DERA: variants seen among roughly 807,000 people sequenced by gnomAD.
DERA encodes the protein deoxyribose-phosphate aldolase, also known as 2-deoxy-D-ribose 5-phosphate aldolase.
DERA carries 15 observed loss-of-function variants against 41.1 expected under a neutral mutation model. That is an observed-to-expected ratio of 0.37 (90% CI 0.24 to 0.56). DERA has a LOEUF of 0.56. Ranked by LOEUF, DERA falls within the 20% of genes least tolerant of loss-of-function variation. DERA has a pLI of 0.81. For missense variants in DERA, 396 were observed against 403.4 expected (o/e 0.98, Z 0.16); for synonymous variants, 139 against 137.4 (o/e 1.01, Z -0.08).
chr12:15,975,035 G>A (rs71459199), intron 5 of DERA, among the ~76,000 whole-genome samples: 14,417 of 152,206 alleles, frequency 0.095, 968 homozygotes, highest in Non-Finnish European at 0.15. Flanking sequence ...TTTGGCCATT[G>A]GGAGTGTAAC....
intron 1 of DERA, among the ~76,000 whole-genome samples, chr12:15,925,868 C>T (rs1948278639): frequency 7.4e-6 from 1 of 135,280 alleles, no homozygotes; most frequent in Admixed American, 7.8e-5. Context: ...TACTCTGTCA[C>T]CCAGGCTGGA....
chr12:16,030,179 G>A (rs1383665145), intron 6 of DERA, among the ~76,000 whole-genome samples: 1 of 150,942 alleles, frequency 6.6e-6, no homozygotes, highest in African/African-American at 2.4e-5. Flanking sequence ...TGATCTGCCA[G>A]CCTCGGCCTC....
At position 16,026,388 on chromosome 12, in the gene DERA, T is replaced by C. The variant is rs1949053556; in HGVS notation, c.638-6154T>C. Among the ~76,000 whole-genome samples the C allele has an allele frequency of 6.6e-6, 1 of 151,444 alleles. No homozygotes were observed. Among genetic ancestry groups the C allele is most frequent in the Non-Finnish European group, 1.5e-5 (1 of 67,766 alleles). ...CTTCCCATGGATATTAAAAGGATTATAAAGGAATGTGTGAACAGCTCTATT... is the reference window on the plus strand; with the variant it reads ...CTTCCCATGGATATTAAAAGGATTACAAAGGAATGTGTGAACAGCTCTATT... On this transcript the variant is annotated intron_variant, in intron 6 of 8. Transcript: ENST00000428559. The surrounding 1 kb of genome is among the most constrained non-coding windows in gnomAD (Gnocchi z 4.4).
intron 1 of DERA, among the ~76,000 whole-genome samples, chr12:15,929,240 A>G (rs1362406157): frequency 6.6e-6 from 1 of 152,196 alleles, no homozygotes; most frequent in Non-Finnish European, 1.5e-5. Flanking sequence ...AAAGTTTTTG[A>G]TGACTTGTCA....
rs1949018986 is a variant in DERA, at chr12:16,021,825, A to G, written c.638-10717A>G. On this transcript the variant is annotated intron_variant, in intron 6 of 8. Transcript: ENST00000428559. This position sits in a 1 kb window ranked among gnomAD's most constrained non-coding sequence, Gnocchi z 5.3. ...CTGATTTCTCCCTTTGGGAATGGTA[A>G]TGTTTACCCAGCACCTTTGCCACAA... Among the ~76,000 whole-genome samples, 1 of 152,152 alleles carries G rather than the reference A, an allele frequency of 6.6e-6. No individual in the cohort carries two copies. Among genetic ancestry groups the G allele is most frequent in the Non-Finnish European group, 1.5e-5 (1 of 68,014 alleles).
chr12:15,930,316 C>CA (rs1948318160), intron 1 of DERA, among the ~76,000 whole-genome samples: 1 of 152,142 alleles, frequency 6.6e-6, no homozygotes. Flanking sequence ...TGAAACTAGA[C>CA]ACGTATTCAA....
intron 6 of DERA, among the ~76,000 whole-genome samples, chr12:16,015,804 A>T (rs1277305600): frequency 6.6e-6 from 1 of 152,238 alleles, no homozygotes; most frequent in Non-Finnish European, 1.5e-5. Context: ...CAGGGAAAAG[A>T]GTAAAGGTAC....
In DERA at chr12:15,976,725, G is replaced by A. The variant is rs771701942; in HGVS notation, c.509-5583G>A. Among the ~76,000 whole-genome samples, 10 of 152,194 alleles carry A rather than the reference G, an allele frequency of 6.6e-5. No individual in the cohort carries two copies. Among genetic ancestry groups the A allele is most frequent in the East Asian group, 1.9e-4 (1 of 5,180 alleles). ...AAAATGATTGATTACCTTCCTAACC[G>A]TTTTAATACTTTTATATTTATTGGC... On this transcript the variant is annotated intron_variant, in intron 5 of 8. Transcript: ENST00000428559. This position sits in a 1 kb window ranked among gnomAD's most constrained non-coding sequence, Gnocchi z 4.1.
chr12:15,987,459 A>G (rs943399173), intron 6 of DERA, among the ~76,000 whole-genome samples: 5 of 150,736 alleles, frequency 3.3e-5, no homozygotes, highest in African/African-American at 1.2e-4. Flanking sequence ...TTGGTCTGAA[A>G]CTCCTGACCT....
chr12:15,952,870 T>C (rs760698208), intron 1 of DERA, among the ~76,000 whole-genome samples: 2 of 152,248 alleles, frequency 1.3e-5, no homozygotes. Flanking sequence ...GCCAACCTGC[T>C]TTTGCTTCTG....
chr12:15,914,393 T>TA (rs1185673228), intron 1 of DERA, among the ~76,000 whole-genome samples: 582 of 55,000 alleles, frequency 0.011, 3 homozygotes, highest in East Asian at 0.073. Context: ...TCAAAAAAGA[T>TA]AAAAAAAAAA....
Position 15,966,212 on chromosome 12 carries a change from G to A in DERA, c.508+3265G>A, listed in dbSNP as rs753211915. 4.6e-5 allele frequency among the ~76,000 whole-genome samples: 7 copies of A among 152,246 alleles called. No individual in the cohort carries two copies. The highest frequency in any genetic ancestry group is 9.6e-5 in the African/African-American group (4 of 41,554). ...TGCTGCCGCCCTAAGCTCTGGTTCC[G>A]CAGCAACGCTCTGGAGTGAGGCGTC... On this transcript the variant is annotated intron_variant, in intron 5 of 8. Coordinates refer to ENST00000428559, the MANE Select transcript of DERA (RefSeq NM_015954.4). This position sits in a 1 kb window ranked among gnomAD's most constrained non-coding sequence, Gnocchi z 5.1.
intron 1 of DERA, among the ~76,000 whole-genome samples, chr12:15,945,404 G>C (rs972696283): frequency 6.6e-5 from 10 of 152,014 alleles, no homozygotes; most frequent in African/African-American, 1.2e-4. Flanking sequence ...CTTTGATTTC[G>C]TTGAGCAGTG....
chr12:15,950,751 C>T (rs1324940203), intron 1 of DERA, among the ~76,000 whole-genome samples: 2 of 152,160 alleles, frequency 1.3e-5, no homozygotes, highest in Non-Finnish European at 1.5e-5. Flanking sequence ...TTTTCTTACC[C>T]TATATAACTT....
At chr12:15,939,153 A>C (rs527742722) in intron 1 of DERA, among the ~76,000 whole-genome samples, 1 of 152,196 alleles carries the variant, frequency 6.6e-6, no homozygotes, top group Non-Finnish European at 1.5e-5. Context: ...TGAGGACTAC[A>C]TGGAGAGAAA....
intron 5 of DERA, among the ~76,000 whole-genome samples, chr12:15,980,953 C>T (rs1948728605): frequency 6.6e-6 from 1 of 152,092 alleles, no homozygotes; most frequent in African/African-American, 2.4e-5. Flanking sequence ...TTTACTAAGC[C>T]TGTGAATTAT....
chr12:15,962,026 G>C lies in DERA; in HGVS notation c.374-787G>C, dbSNP rs969227957. Among the ~76,000 whole-genome samples the C allele has an allele frequency of 2.6e-5, 4 of 152,372 alleles. No homozygotes were observed. In the South Asian group the frequency reaches 8.3e-4, roughly 32 times the overall value. On this transcript the variant is annotated intron_variant, in intron 4 of 8. Coordinates refer to ENST00000428559, the MANE Select transcript of DERA (RefSeq NM_015954.4). The stretch of plus-strand genomic sequence containing the variant: ...CCCAAAATGTTGGGATTACAGGCAA[G>C]AGCCACTGTGCCCAGCCCCAAGGAA...
intron 1 of DERA, among the ~76,000 whole-genome samples, chr12:15,916,642 GGTTTCACAGT>G (rs1264452705): frequency 6.6e-6 from 1 of 151,886 alleles, no homozygotes; most frequent in African/African-American, 2.4e-5. Flanking sequence ...GTAGAGATGG[GGTTTCACAGT>G]GTTGGCCAGG....
chr12:15,961,434 G>T (rs546910756), intron 4 of DERA, among the ~76,000 whole-genome samples: 7 of 152,222 alleles, frequency 4.6e-5, no homozygotes, highest in South Asian at 2.1e-4. Flanking sequence ...CAACACTTTG[G>T]GGGGGCTCAG....
Sources: allele counts gnomAD v4.1 joint callset (sites outside exome capture counted in the v4.1 genomes callset), GRCh38; gene constraint gnomAD v4.1.1; non-coding constraint Gnocchi (gnomAD v3.1); transcripts MANE v1.5; gene names NCBI Gene and HGNC (gene_info 2026-07-23, HGNC 2026-07-21).